Variants in SLC4A3 observed in about 807,000 individuals in gnomAD.
SLC4A3 encodes anion exchange protein 3.
In SLC4A3, 47 loss-of-function variants were observed where a neutral mutation model predicts 114.2. That is an observed-to-expected ratio of 0.41 (90% CI 0.33 to 0.52). The LOEUF (loss-of-function observed/expected upper bound fraction) is 0.52, where lower values mean the gene tolerates loss of function less well. SLC4A3 is among the 20% of genes least tolerant of loss of function. SLC4A3 has a pLI of 0.21. For missense variants in SLC4A3, 1,312 were observed against 1,668.3 expected (o/e 0.79, Z 3.72); for synonymous variants, 693 against 710.3 (o/e 0.98, Z 0.39).
At chr2:219,640,744 CAGGCCGGG>C (rs756168604) in intron 21 of SLC4A3, 37 bp from the exon 22 acceptor site, 1 of 1,589,370 alleles carries the variant, frequency 6.3e-7, no homozygotes, top group East Asian at 2.2e-5. Context: ...TGGGTGGGAG[CAGGCCGGG>C]ACGCTGTGCA....
In SLC4A3 at chr2:219,637,312, T is replaced by G. The variant is rs1437873164; in HGVS notation, c.2536-269T>G. Among the ~76,000 whole-genome samples the G allele has an allele frequency of 6.6e-6, 1 of 151,432 alleles. No homozygotes were observed. Among genetic ancestry groups the G allele is most frequent in the Non-Finnish European group, 1.5e-5 (1 of 67,808 alleles). ...GTGCATGTTGTGTGTGTTGTGTGTA[T>G]GTATGTTGTGTGTGTGGTGTGTATG... On this transcript the variant is annotated intron_variant, in intron 16 of 22. Coordinates refer to ENST00000358055, the MANE Select transcript of SLC4A3 (RefSeq NM_005070.4). The surrounding 1 kb of genome is among the most constrained non-coding windows in gnomAD (Gnocchi z 4.6).
Position 219,638,365 on chromosome 2 carries a change from C to G in SLC4A3, c.2856+112C>G. The stretch of plus-strand genomic sequence containing the variant: ...GGGATCAGGCCTGAACTCAACTTTC[C>G]CAGTGGAGTGGCCGCCCTGGGGGCT... On this transcript the variant is annotated intron_variant, in intron 18 of 22. Coordinates refer to ENST00000358055, the MANE Select transcript of SLC4A3 (RefSeq NM_005070.4). The surrounding 1 kb of genome is among the most constrained non-coding windows in gnomAD (Gnocchi z 7.5). 1.1e-6 allele frequency: 1 copy of G among 902,832 alleles called. No homozygotes were observed. The highest frequency in any genetic ancestry group is 1.7e-6 in the Non-Finnish European group (1 of 575,968). 55.9% of individuals were successfully genotyped at this position (902,832 alleles called of 1,614,324 possible). A position where few individuals can be genotyped will look rare whatever the true frequency, so the allele number is the denominator to read the frequency against.
rs929264339 is a variant in SLC4A3 at position 219,639,079 on chromosome 2, G to A, written c.3023+210G>A. On this transcript the variant is annotated intron_variant, in intron 19 of 22. Transcript: ENST00000358055. This position sits in a 1 kb window ranked among gnomAD's most constrained non-coding sequence, Gnocchi z 5.9. ...GGAGGAGCAGAGAGCAGTGGCATCC[G>A]GGGCAGGGGCATGGTTTCCCCGTGA... Among the ~76,000 whole-genome samples the A allele has an allele frequency of 2.6e-5, 4 of 152,104 alleles. No individual in the cohort carries two copies. Among genetic ancestry groups the A allele is most frequent in the African/African-American group, 9.7e-5 (4 of 41,418 alleles).
Position 219,628,071 on chromosome 2 carries a change from G to T in SLC4A3, c.51+28G>T, listed in dbSNP as rs1698780312. ...GATCGGCGCGCGCGGGGGCGGGGGA[G>T]AGATGGGGGAGGAGAGGGGAGGGAC... is the stretch of plus-strand genomic sequence containing the variant. On this transcript the variant is annotated intron_variant, in intron 2 of 22. Transcript: ENST00000358055. The surrounding 1 kb of genome is among the most constrained non-coding windows in gnomAD (Gnocchi z 4.8). 1 of 1,522,518 alleles carries T rather than the reference G, an allele frequency of 6.6e-7. No individual in the cohort carries two copies. The highest frequency in any genetic ancestry group is 1.2e-5 in the South Asian group (1 of 81,158). 94.3% of individuals were successfully genotyped at this position (1,522,518 alleles called of 1,614,324 possible).
chr2:219,635,268 C>A lies in SLC4A3; in HGVS notation c.1747-3C>A, dbSNP rs1316323825. 6 of 1,613,554 alleles carry A rather than the reference C, an allele frequency of 3.7e-6. No homozygotes were observed. The highest frequency in any genetic ancestry group is 5.1e-6 in the Non-Finnish European group (6 of 1,179,616). ...AGGGTCCTGGCCCTCTCATTGCCCCCAGCTGTTTCATGAGGCTGCCTACCA... is the reference window on the plus strand; with the variant it reads ...AGGGTCCTGGCCCTCTCATTGCCCCAAGCTGTTTCATGAGGCTGCCTACCA... On this transcript the variant is annotated splice_polypyrimidine_tract_variant and splice_region_variant and intron_variant, in intron 12 of 22. Transcript: ENST00000358055.
In SLC4A3 at chr2:219,635,691, G is replaced by T; in HGVS notation, c.1991G>T (p.Gly664Val). ...CCCCCAGAACTGTCTTTGGAGTTGG[G>T]GGGCTCTGAGGCAACCCCTGAAGAT... The part of the protein sequence containing the change: ...APGKELSLEL[G>V]GSEATPEDDP... Residue 664 changes from glycine to valine, a missense_variant, in exon 14 of 23, where the codon GGG becomes GTG. This residue lies in a region of SLC4A3 where 771 missense variants were observed against 977.7 expected (regional missense o/e 0.79). Coordinates refer to ENST00000358055, the MANE Select transcript of SLC4A3 (RefSeq NM_005070.4). 6.3e-7 allele frequency: 1 copy of T among 1,586,622 alleles called. No individual in the cohort carries two copies. The highest frequency in any genetic ancestry group is 8.5e-7 in the Non-Finnish European group (1 of 1,169,924).
chr2:219,630,133 C>T lies in SLC4A3; in HGVS notation c.612-20C>T. Reference sequence around the variant, plus strand: ...CGACCTGGCCCTGTCAAGTCCAAGGCTGCTGTGTTGCCTCCCCAGCTCCCC... The same window carrying T: ...CGACCTGGCCCTGTCAAGTCCAAGGTTGCTGTGTTGCCTCCCCAGCTCCCC... On this transcript the variant is annotated intron_variant, in intron 5 of 22. Transcript: ENST00000358055. The surrounding 1 kb of genome is among the most constrained non-coding windows in gnomAD (Gnocchi z 6.9). The T allele has an allele frequency of 6.2e-7, 1 of 1,612,448 alleles. No homozygotes were observed. The highest frequency in any genetic ancestry group is 8.5e-7 in the Non-Finnish European group (1 of 1,179,416).
chr2:219,633,978 G>A lies in SLC4A3; in HGVS notation c.1560G>A (p.Val520=), dbSNP rs1699030949. The A allele has an allele frequency of 6.4e-7, 1 of 1,550,626 alleles. No individual in the cohort carries two copies. Among genetic ancestry groups the A allele is most frequent in the Non-Finnish European group, 8.7e-7 (1 of 1,146,240 alleles). Residue 520 remains valine (V), a splice_region_variant and synonymous_variant, in exon 11 of 23, where the codon GTG becomes GTA. Coordinates refer to ENST00000358055, the MANE Select transcript of SLC4A3 (RefSeq NM_005070.4). The stretch of plus-strand genomic sequence containing the variant: ...ATGCTGAGGCCACGGTTGTGCTTGT[G>A]GGTGAGGAGGGCCGGGCGCCGGGGG... ...PEDAEATVVL[V]GCVPFLEQPA... is the part of the protein sequence containing the mutation.
chr2:219,633,035 G>A (rs1279653183), intron 9 of SLC4A3, 26 bp downstream of exon 9: 2 of 1,612,036 alleles, frequency 1.2e-6, no homozygotes, highest in South Asian at 1.1e-5. Flanking sequence ...CCTGGGAGGG[G>A]CCTGTCCAGC....
rs1263128306 is a variant in SLC4A3 at position 219,630,642 on chromosome 2, C to T, written c.811+290C>T. Among the ~76,000 whole-genome samples the T allele has an allele frequency of 3.9e-5, 6 of 152,186 alleles. No homozygotes were observed. Among genetic ancestry groups the T allele is most frequent in the Admixed American group, 2.0e-4 (3 of 15,284 alleles). On this transcript the variant is annotated intron_variant, in intron 6 of 22. Coordinates refer to ENST00000358055, the MANE Select transcript of SLC4A3 (RefSeq NM_005070.4). This position sits in a 1 kb window ranked among gnomAD's most constrained non-coding sequence, Gnocchi z 6.9. ...TCTTTTTCACATTACTGTATCCCTCCCCAAGGCCCCTCTTCTCGGGGTGAA... is the reference window on the plus strand; with the variant it reads ...TCTTTTTCACATTACTGTATCCCTCTCCAAGGCCCCTCTTCTCGGGGTGAA...
chr2:219,636,469 C>G lies in SLC4A3; in HGVS notation c.2340+19C>G, dbSNP rs920746867. On this transcript the variant is annotated intron_variant, in intron 15 of 22. Coordinates refer to ENST00000358055, the MANE Select transcript of SLC4A3 (RefSeq NM_005070.4). This position sits in a 1 kb window ranked among gnomAD's most constrained non-coding sequence, Gnocchi z 5.5. ...CTTCAAGGTGAGGCGAAGCCTTGCCCTGCTCCATCCATCCTGCCCCACACT... is the reference window on the plus strand; with the variant it reads ...CTTCAAGGTGAGGCGAAGCCTTGCCGTGCTCCATCCATCCTGCCCCACACT... The G allele has an allele frequency of 1.6e-5, 25 of 1,585,118 alleles. No homozygotes were observed. Among genetic ancestry groups the G allele is most frequent in the Non-Finnish European group, 2.1e-5 (25 of 1,166,864 alleles).
Position 219,638,232 on chromosome 2 carries a change from C to T in SLC4A3, c.2835C>T (p.Ser945=), listed in dbSNP as rs374822026. The change falls in exon 18 of 23, where the codon TCC becomes TCT. Residue 945 remains serine, a synonymous_variant. Coordinates refer to ENST00000358055, the MANE Select transcript of SLC4A3 (RefSeq NM_005070.4). This position sits in a 1 kb window ranked among gnomAD's most constrained non-coding sequence, Gnocchi z 7.5. Reference sequence around the variant, plus strand: ...TGGTGATGGTCCTGGTGGATTACTCCATCACAGACACCTACACGCAGGTGA... The same window carrying T: ...TGGTGATGGTCCTGGTGGATTACTCTATCACAGACACCTACACGCAGGTGA... ...SILVMVLVDY[S]ITDTYTQKLT... is the part of the protein sequence containing the mutation. The T allele has an allele frequency of 6.2e-7, 1 of 1,612,234 alleles. No individual in the cohort carries two copies.
chr2:219,641,796 C>CCCAG lies in SLC4A3; in HGVS notation c.*71_*74dup. On this transcript the variant is annotated 3_prime_UTR_variant, in exon 23 of 23. Coordinates refer to ENST00000358055, the MANE Select transcript of SLC4A3 (RefSeq NM_005070.4). This position sits in a 1 kb window ranked among gnomAD's most constrained non-coding sequence, Gnocchi z 4.0. ...ATTGACACCTGGGCCTCAGGCAGAG[C>CCCAG]CCAGCCCTGGGCTGGGGGGCTCCTC... is the stretch of plus-strand genomic sequence containing the variant. The CCCAG allele has an allele frequency of 7.3e-7, 1 of 1,362,744 alleles. No individual in the cohort carries two copies. The highest frequency in any genetic ancestry group is 1.7e-5 in the Admixed American group (1 of 58,460). 84.4% of individuals were successfully genotyped at this position (1,362,744 alleles called of 1,614,324 possible).
At chr2:219,640,074 G>A (rs995582476) in intron 20 of SLC4A3, among the ~76,000 whole-genome samples, 1 of 152,058 alleles carries the variant, frequency 6.6e-6, no homozygotes, top group Non-Finnish European at 1.5e-5. Context: ...GACTACAGGC[G>A]CCCGCCACCA....
At chr2:219,640,743 G>A (rs1411477770) in intron 21 of SLC4A3, 46 bp from the exon 22 acceptor site, 1 of 1,590,576 alleles carries the variant, frequency 6.3e-7, no homozygotes, top group East Asian at 2.2e-5. Context: ...GTGGGTGGGA[G>A]CAGGCCGGGA....
Position 219,638,351 on chromosome 2 carries a change from T to C in SLC4A3, c.2856+98T>C. 9.9e-7 allele frequency: 1 copy of C among 1,007,434 alleles called. No individual in the cohort carries two copies. Among genetic ancestry groups the C allele is most frequent in the Admixed American group, 2.0e-5 (1 of 48,980 alleles). The allele number at this position is 1,007,434 out of a possible 1,614,324, so 62.4% of individuals were successfully genotyped here. A position where few individuals can be genotyped will look rare whatever the true frequency, so the allele number is the denominator to read the frequency against. On this transcript the variant is annotated intron_variant, in intron 18 of 22. Transcript: ENST00000358055. The surrounding 1 kb of genome is among the most constrained non-coding windows in gnomAD (Gnocchi z 7.5). The stretch of plus-strand genomic sequence containing the variant: ...TGGGCCCTGGGATTGGGATCAGGCC[T>C]GAACTCAACTTTCCCAGTGGAGTGG...
intron 11 of SLC4A3, 36 bp from the exon 12 acceptor site, chr2:219,634,383 TC>T (rs756748264): frequency 6.2e-7 from 1 of 1,607,268 alleles, no homozygotes; most frequent in South Asian, 1.1e-5. Flanking sequence ...TGACTGCTTC[TC>T]TTTGCCCAGC....
Position 219,628,742 on chromosome 2 carries a change from A to G in SLC4A3, c.217+172A>G. On this transcript the variant is annotated intron_variant, in intron 3 of 22. Transcript: ENST00000358055. The surrounding 1 kb of genome is among the most constrained non-coding windows in gnomAD (Gnocchi z 4.8). ...TTCAGTCATCCTGCCTCCCCCACCCATCGCCTGTCCGCCTGCCTGGGGAGG... is the reference window on the plus strand; with the variant it reads ...TTCAGTCATCCTGCCTCCCCCACCCGTCGCCTGTCCGCCTGCCTGGGGAGG... 1.4e-6 allele frequency: 1 copy of G among 722,408 alleles called. No individual in the cohort carries two copies. The highest frequency in any genetic ancestry group is 2.2e-6 in the Non-Finnish European group (1 of 449,026). The allele number at this position is 722,408 out of a possible 1,614,324, so 44.7% of individuals were successfully genotyped here.
At position 219,629,705 on chromosome 2, in the gene SLC4A3, G is replaced by C; in HGVS notation, c.611+10G>C. 6.3e-7 allele frequency: 1 copy of C among 1,589,204 alleles called. No individual in the cohort carries two copies. The highest frequency in any genetic ancestry group is 8.6e-7 in the Non-Finnish European group (1 of 1,160,596). On this transcript the variant is annotated intron_variant, in intron 5 of 22. Coordinates refer to ENST00000358055, the MANE Select transcript of SLC4A3 (RefSeq NM_005070.4). Reference sequence around the variant, plus strand: ...CCCAGCACTCCAGCAGGTACTGGCTGCAGCCTCTACTCAGCAGGGCCCAGC... The same window carrying C: ...CCCAGCACTCCAGCAGGTACTGGCTCCAGCCTCTACTCAGCAGGGCCCAGC...
Sources: gnomAD v4.1 joint callset for allele counts (sites outside exome capture counted in the v4.1 genomes callset) on GRCh38, gnomAD v4.1.1 for gene constraint, gnomAD v4.1.1 regional missense constraint, Gnocchi (gnomAD v3.1) non-coding constraint, MANE v1.5 for transcripts, NCBI Gene and HGNC (gene_info 2026-07-23, HGNC 2026-07-21) for gene names.